The following JAZF1 variants were observed in gnomAD, a reference collection of about 807,000 sequenced individuals.
The protein encoded by JAZF1 is JAZF zinc finger 1.
JAZF1 carries 8 observed loss-of-function variants against 26.4 expected under a neutral mutation model. The ratio of observed to expected loss-of-function variants is 0.30; its 90% CI spans 0.18 to 0.55. The LOEUF (loss-of-function observed/expected upper bound fraction) is 0.55. JAZF1 is among the 20% of genes least tolerant of loss of function. The pLI is 0.94. For synonymous variants in JAZF1, 126 were observed against 122.3 expected, an observed-to-expected ratio of 1.03 and a Z score of -0.20; for missense variants, 199 against 322.0, an observed-to-expected ratio of 0.62 and a Z score of 2.92.
In JAZF1 at chr7:28,180,677, G is replaced by A. The variant is rs1216906041; in HGVS notation, c.-100C>T. 1.6e-6 allele frequency: 1 copy of A among 616,800 alleles called. No individual in the cohort carries two copies. The highest frequency in any genetic ancestry group is 1.9e-5 in the African/African-American group (1 of 53,230). 38.2% of individuals were successfully genotyped at this position (616,800 alleles called of 1,614,324 possible). On this transcript the variant is annotated 5_prime_UTR_variant, in exon 1 of 5. Coordinates refer to ENST00000283928, the MANE Select transcript of JAZF1 (RefSeq NM_175061.4). Reference sequence around the variant, plus strand: ...GGGGTGAGGAGAGGAGGGGCTGGGGGAGGGGGAGAGAGGCGGGGTGAGGGG... The same window carrying A: ...GGGGTGAGGAGAGGAGGGGCTGGGGAAGGGGGAGAGAGGCGGGGTGAGGGG...
chr7:28,092,100 T>C (rs1015852171), intron 1 of JAZF1, among the ~76,000 whole-genome samples: 2 of 152,040 alleles, frequency 1.3e-5, no homozygotes, highest in Non-Finnish European at 2.9e-5. Context: ...TTATTACATA[T>C]GACTTCACAT....
intron 2 of JAZF1, among the ~76,000 whole-genome samples, chr7:27,915,867 G>T (rs1784437364): frequency 6.6e-6 from 1 of 152,170 alleles, no homozygotes; most frequent in African/African-American, 2.4e-5. Context: ...CTTATTCAAG[G>T]TAACAGTGAA....
At chr7:28,001,407 A>G (rs1442315270) in intron 1 of JAZF1, among the ~76,000 whole-genome samples, 1 of 152,114 alleles carries the variant, frequency 6.6e-6, no homozygotes, top group Non-Finnish European at 1.5e-5. Flanking sequence ...AAAAACCAAT[A>G]ATCTAAGACA....
At chr7:27,984,099 A>T (rs547601139) in intron 2 of JAZF1, among the ~76,000 whole-genome samples, 1 of 152,356 alleles carries the variant, frequency 6.6e-6, no homozygotes. Flanking sequence ...CACACATAAC[A>T]GTATTAACCT....
chr7:27,910,369 GGTAT>G (rs931783002), intron 2 of JAZF1, among the ~76,000 whole-genome samples: 4 of 152,086 alleles, frequency 2.6e-5, no homozygotes, highest in African/African-American at 9.7e-5. Flanking sequence ...AAATTCAGGG[GGTAT>G]GTGTGTGTTT....
chr7:28,111,064 G>C (rs956626550), intron 1 of JAZF1, among the ~76,000 whole-genome samples: 3 of 152,162 alleles, frequency 2.0e-5, no homozygotes, highest in Non-Finnish European at 4.4e-5. Context: ...TGCTACAGTA[G>C]ACAACTAGAT....
chr7:27,853,179 T>G (rs1783182936), intron 3 of JAZF1, among the ~76,000 whole-genome samples: 1 of 152,094 alleles, frequency 6.6e-6, no homozygotes, highest in South Asian at 2.1e-4. Context: ...AAGATAAGAG[T>G]TTTGATCTTT....
At position 28,092,290 on chromosome 7, in the gene JAZF1, C is replaced by CCAAAAAAAAAAAAAAAAAAAAAAAA. The variant is rs1784310777; in HGVS notation, c.115+88172_115+88173insTTTTTTTTTTTTTTTTTTTTTTTTG. Reference sequence around the variant, plus strand: ...AACATCCCATTTCAGGGACAAAAGGCAAAAAAAAAAAAAAAAAAAAAAAAA... The same window carrying CCAAAAAAAAAAAAAAAAAAAAAAAA: ...AACATCCCATTTCAGGGACAAAAGGCCAAAAAAAAAAAAAAAAAAAAAAAAAAAAAAAAAAAAAAAAAAAAAAAAA... On this transcript the variant is annotated intron_variant, in intron 1 of 4. Coordinates refer to ENST00000283928, the MANE Select transcript of JAZF1 (RefSeq NM_175061.4). Among the ~76,000 whole-genome samples, 11 of 12,802 alleles carry CCAAAAAAAAAAAAAAAAAAAAAAAA rather than the reference C, an allele frequency of 8.6e-4. 3 individuals are homozygous for CCAAAAAAAAAAAAAAAAAAAAAAAA. Among genetic ancestry groups the CCAAAAAAAAAAAAAAAAAAAAAAAA allele is most frequent in the African/African-American group, 2.4e-3 (11 of 4,646 alleles). The allele number at this position is 12,802 out of a possible 152,430, so 8.4% of individuals were successfully genotyped here.
At chr7:27,899,330 A>C (rs1398816492) in intron 2 of JAZF1, among the ~76,000 whole-genome samples, 1 of 152,218 alleles carries the variant, frequency 6.6e-6, no homozygotes, top group Non-Finnish European at 1.5e-5. Flanking sequence ...CCGTGTTGCC[A>C]AGGCTGAGTT....
At chr7:27,844,429 T>C (rs1782981471) in intron 3 of JAZF1, 1 of 152,102 alleles carries the variant, frequency 6.6e-6, no homozygotes. Context: ...TCCCCAGCAG[T>C]CTCCACACCT....
rs1481267503 is a variant in JAZF1, at chr7:27,909,550, A to G, written c.189-14134T>C. Among the ~76,000 whole-genome samples the G allele has an allele frequency of 2.6e-5, 4 of 152,240 alleles. No homozygotes were observed. The South Asian group carries it at 6.2e-4, about 24-fold the overall frequency. ...GGAGAAACCCCCATCTCTACTAAAA[A>G]TACAAAATTAGCCGGGCATGGTGGC... On this transcript the variant is annotated intron_variant, in intron 2 of 4. Transcript: ENST00000283928.
At chr7:28,022,644 C>G (rs1455275933) in intron 1 of JAZF1, among the ~76,000 whole-genome samples, 1 of 152,210 alleles carries the variant, frequency 6.6e-6, no homozygotes, top group Non-Finnish European at 1.5e-5. Flanking sequence ...TTACTATATC[C>G]TTTACTATTC....
rs143261040 is a variant in JAZF1 at position 27,889,125 on chromosome 7, C to T, written c.385+6095G>A. Among the ~76,000 whole-genome samples the T allele has an allele frequency of 4.5e-4, 68 of 152,330 alleles. 1 individual carries two copies. The highest frequency in any genetic ancestry group is 1.4e-3 in the African/African-American group (58 of 41,568). ...TGGTTTCTTAACTCTGGTTGTAGAA[C>T]TACCCACCCAAAAGAGCTTTTAAAA... On this transcript the variant is annotated intron_variant, in intron 3 of 4. Coordinates refer to ENST00000283928, the MANE Select transcript of JAZF1 (RefSeq NM_175061.4).
In JAZF1 at chr7:28,125,944, T is replaced by C. The variant is rs535327449; in HGVS notation, c.115+54519A>G. 3.3e-5 allele frequency among the ~76,000 whole-genome samples: 5 copies of C among 152,320 alleles called. No homozygotes were observed. The South Asian group carries it at 1.0e-3, about 32-fold the overall frequency. ...CCAAGACCAAGGTTGGTCTCAAGTG[T>C]AGTTTTTCAGATGGAACAAGACCTT... On this transcript the variant is annotated intron_variant, in intron 1 of 4. Transcript: ENST00000283928.
intron 1 of JAZF1, among the ~76,000 whole-genome samples, chr7:28,012,526 G>T (rs951656151): frequency 6.6e-6 from 1 of 152,192 alleles, no homozygotes; most frequent in Middle Eastern, 3.2e-3. Context: ...TGATAGGTCA[G>T]CCAATTAAGG....
At chr7:27,839,158 C>A (rs746320483) in intron 4 of JAZF1, among the ~76,000 whole-genome samples, 2 of 152,224 alleles carry the variant, frequency 1.3e-5, no homozygotes, top group Non-Finnish European at 2.9e-5. Context: ...GAACCCAGGG[C>A]GTAGCTTGTA....
chr7:28,086,700 C>T (rs1784217178), intron 1 of JAZF1, among the ~76,000 whole-genome samples: 1 of 152,154 alleles, frequency 6.6e-6, no homozygotes, highest in Admixed American at 6.5e-5. Context: ...GTGGAGGAGA[C>T]ATCAAATTAA....
intron 1 of JAZF1, among the ~76,000 whole-genome samples, chr7:28,000,381 A>G (rs1280608393): frequency 6.6e-6 from 1 of 152,174 alleles, no homozygotes; most frequent in Non-Finnish European, 1.5e-5. Context: ...ACAAAGAGTC[A>G]TCTGGTCTAA....
intron 1 of JAZF1, among the ~76,000 whole-genome samples, chr7:28,043,780 C>G (rs1046836069): frequency 1.3e-5 from 2 of 151,716 alleles, no homozygotes; most frequent in African/African-American, 4.8e-5. Flanking sequence ...TATATTCTTA[C>G]AGTGGTATAT....
Sources: gnomAD v4.1 joint callset for allele counts (sites outside exome capture counted in the v4.1 genomes callset) on GRCh38, gnomAD v4.1.1 for gene constraint, MANE v1.5 for transcripts, NCBI Gene and HGNC (gene_info 2026-07-23, HGNC 2026-07-21) for gene names.